The following PCDHA7 variants were observed in gnomAD, a reference collection of about 807,000 sequenced individuals.
The protein encoded by PCDHA7 is protocadherin alpha 7, also known as protocadherin alpha-7.
In PCDHA7, 37 loss-of-function variants were observed where a neutral mutation model predicts 57.2. That is an observed-to-expected ratio of 0.65 (90% CI 0.50 to 0.85). The LOEUF (loss-of-function observed/expected upper bound fraction) is 0.85, where lower values mean the gene tolerates loss of function less well. PCDHA7 is among the 40% of genes least tolerant of loss of function. The pLI is 0.00. For missense variants in PCDHA7, 1,188 were observed against 1,241.8 expected (o/e 0.96, Z 0.65); for synonymous variants, 553 against 558.8 (o/e 0.99, Z 0.15).
chr5:141,003,001 C>T (rs1403843420), intron 3 of PCDHA7, among the ~76,000 whole-genome samples: 3 of 152,182 alleles, frequency 2.0e-5, no homozygotes, highest in Admixed American at 1.3e-4. Flanking sequence ...AGTTTATGTT[C>T]TATTAGGGAA....
In PCDHA7 at chr5:140,836,506, CCA is replaced by C; in HGVS notation, c.2124_2125del (p.Leu710ValfsTer19). On this transcript the variant is annotated frameshift_variant, in exon 1 of 4. Transcript: ENST00000525929. LOFTEE classifies it high-confidence loss of function. ...CTGATCATCGCCATCTGCGCGGTGT[CCA>C]GTCTGTTGGTGCTTACCCTGCTGCT... is the stretch of plus-strand genomic sequence containing the variant. The C allele has an allele frequency of 1.2e-6, 2 of 1,613,884 alleles. No homozygotes were observed. Among genetic ancestry groups the C allele is most frequent in the Non-Finnish European group, 1.7e-6 (2 of 1,179,878 alleles).
At chr5:140,847,654 T>C (rs1037427370) in intron 1 of PCDHA7, 3 of 149,736 alleles carry the variant, frequency 2.0e-5, no homozygotes, top group South Asian at 2.1e-4. Flanking sequence ...AGATTATTCA[T>C]AGATTATAAA....
In PCDHA7 at chr5:140,835,908, T is replaced by A; in HGVS notation, c.1525T>A (p.Ser509Thr). 1 of 1,612,190 alleles carries A rather than the reference T, an allele frequency of 6.2e-7. No individual in the cohort carries two copies. The highest frequency in any genetic ancestry group is 1.7e-5 in the Admixed American group (1 of 60,010). ...VGERALSSYV[S>T]VHAESGKVYA... ...CGAGCGCGCGCTGTCGAGCTACGTG[T>A]CAGTGCACGCGGAGAGCGGCAAGGT... The change falls in exon 1 of 4, where the codon TCA becomes ACA. Residue 509 changes from serine to threonine, a missense_variant. By Grantham distance (58) the Ser-to-Thr change is moderately conservative. Around this residue, in one of 3 missense-constraint regions of PCDHA7, gnomAD observed 892 missense variants for 788.5 expected, o/e 1.13. Transcript: ENST00000525929.
At chr5:140,994,188 G>T (rs1156320589) in intron 3 of PCDHA7, among the ~76,000 whole-genome samples, 1 of 152,080 alleles carries the variant, frequency 6.6e-6, no homozygotes, top group Non-Finnish European at 1.5e-5. Flanking sequence ...AAACCACCAG[G>T]GCCTGTTGGT....
At chr5:140,968,982 C>G in intron 1 of PCDHA7, 1 of 1,614,226 alleles carries the variant, frequency 6.2e-7, no homozygotes, top group Non-Finnish European at 8.5e-7. Flanking sequence ...GCGTATGGCA[C>G]TGCATGCTGT....
intron 1 of PCDHA7, chr5:140,847,470 C>T (rs2150400882): frequency 3.3e-5 from 5 of 149,674 alleles, no homozygotes; most frequent in African/African-American, 1.2e-4. Context: ...TCGACTTGGA[C>T]GTTGGAATAA....
At chr5:140,982,414 G>A in intron 2 of PCDHA7, 61 bp from the exon 3 acceptor site, 1 of 1,609,882 alleles carries the variant, frequency 6.2e-7, no homozygotes, top group Non-Finnish European at 8.5e-7. Flanking sequence ...TCTGAGGGTG[G>A]AAGAAGAGAT....
intron 1 of PCDHA7, chr5:140,841,517 G>C (rs2150317250): frequency 6.2e-7 from 1 of 1,613,540 alleles, no homozygotes; most frequent in Non-Finnish European, 8.5e-7. Flanking sequence ...CCTGTTCCGG[G>C]TGGCGTCCAA....
Position 140,918,290 on chromosome 5 carries a change from C to A in PCDHA7, c.2356-60659C>A, listed in dbSNP as rs188994807. ...TTTATCAGATGTAGGAGCTTTTTGG[C>A]AGAGAATATAGGGTTTTCTAGGTAT... On this transcript the variant is annotated intron_variant, in intron 1 of 3. Transcript: ENST00000525929. Among the ~76,000 whole-genome samples the A allele has an allele frequency of 2.1e-3, 321 of 152,226 alleles. 1 individual carries two copies. Among genetic ancestry groups the A allele is most frequent in the African/African-American group, 7.5e-3 (313 of 41,534 alleles).
At chr5:140,926,470 G>C (rs1244984672) in intron 1 of PCDHA7, 1 of 162,858 alleles carries the variant, frequency 6.1e-6, no homozygotes. Flanking sequence ...AGAAAACACC[G>C]TTTAAGGAGA....
intron 1 of PCDHA7, among the ~76,000 whole-genome samples, chr5:140,855,693 A>G (rs2043577719): frequency 6.7e-6 from 1 of 149,800 alleles, no homozygotes; most frequent in African/African-American, 2.5e-5. Context: ...TTAAGAAAAC[A>G]TTGCACGTGG....
chr5:140,862,460 A>G (rs1554156366), intron 1 of PCDHA7: 2 of 368,076 alleles, frequency 5.4e-6, no homozygotes, highest in African/African-American at 2.1e-5. Context: ...CCCTGGACCA[A>G]GAGAGCAAAT....
intron 1 of PCDHA7, chr5:140,967,414 C>T: frequency 6.2e-7 from 1 of 1,613,156 alleles, no homozygotes; most frequent in African/African-American, 1.3e-5. Context: ...AGGGCCTAGA[C>T]CGGGAGCAGG....
intron 1 of PCDHA7, chr5:140,867,134 T>C (rs1162274165): frequency 6.6e-6 from 1 of 152,178 alleles, no homozygotes; most frequent in Non-Finnish European, 1.5e-5. Context: ...AAATATGTGA[T>C]ATTATCATTT....
chr5:140,841,833 G>A (rs2150323883), intron 1 of PCDHA7: 2 of 1,613,938 alleles, frequency 1.2e-6, no homozygotes, highest in South Asian at 2.2e-5. Context: ...TTAACCTACA[G>A]GCTTAGCTCT....
chr5:140,924,901 A>AAAAAAT (rs369245222), intron 1 of PCDHA7, among the ~76,000 whole-genome samples: 13 of 80,502 alleles, frequency 1.6e-4, no homozygotes, highest in East Asian at 1.6e-3. Flanking sequence ...TCTCAAAAAA[A>AAAAAAT]AAAATAAAAT....
rs1554262529 is a variant in PCDHA7 at position 141,009,890 on chromosome 5, G to A, written c.2767G>A (p.Glu923Lys). 8.1e-6 allele frequency: 13 copies of A among 1,612,626 alleles called. No homozygotes were observed. Among genetic ancestry groups the A allele is most frequent in the Non-Finnish European group, 1.1e-5 (13 of 1,179,746 alleles). ...AAAGAAGAAGGGTAACAAGACCCAG[G>A]AGAAAAAAGAGAAAGGGAACAGCAC... Reference protein sequence around the residue: ...KKKKKGNKTQEKKEKGNSTTD... With the variant: ...KKKKKGNKTQKKKEKGNSTTD... The change falls in exon 4 of 4, where the codon GAG becomes AAG. Residue 923 changes from glutamate to lysine, a missense_variant. Glu to Lys is a moderately conservative substitution (Grantham distance 56). Coordinates refer to ENST00000525929, the MANE Select transcript of PCDHA7 (RefSeq NM_018910.3).
chr5:140,863,330 T>A, intron 1 of PCDHA7: 1 of 1,412,828 alleles, frequency 7.1e-7, no homozygotes, highest in Admixed American at 1.8e-5. Flanking sequence ...CTGTTAGTGC[T>A]CACGTTGCTG....
At chr5:140,901,474 T>C (rs2068694853) in intron 1 of PCDHA7, among the ~76,000 whole-genome samples, 1 of 152,216 alleles carries the variant, frequency 6.6e-6, no homozygotes, top group Admixed American at 6.5e-5. Context: ...CTCGAGTTTA[T>C]GTTCTTGGCA....
Sources: allele counts gnomAD v4.1 joint callset (sites outside exome capture counted in the v4.1 genomes callset), GRCh38; gene constraint gnomAD v4.1.1; regional missense constraint gnomAD v4.1.1; transcripts MANE v1.5; gene names NCBI Gene and HGNC (gene_info 2026-07-23, HGNC 2026-07-21).